The following PLPPR1 variants were observed in gnomAD, a reference collection of about 807,000 sequenced individuals.
The protein encoded by PLPPR1 is phospholipid phosphatase-related protein type 1.
In PLPPR1, 10 loss-of-function variants were observed where a neutral mutation model predicts 33.1. The ratio of observed to expected loss-of-function variants is 0.30; its 90% CI spans 0.19 to 0.51. The LOEUF is 0.51. Ranked by LOEUF, PLPPR1 falls within the 20% of genes least tolerant of loss-of-function variation. PLPPR1 has a pLI of 0.97. For missense variants in PLPPR1, 304 were observed against 408.1 expected (o/e 0.74, Z 2.20); for synonymous variants, 151 against 151.0 (o/e 1.00, Z 0.00).
chr9:101,089,177 T>G (rs1830713516), intron 1 of PLPPR1, among the ~76,000 whole-genome samples: 1 of 152,130 alleles, frequency 6.6e-6, no homozygotes, highest in African/African-American at 2.4e-5. Flanking sequence ...CATTCAATCC[T>G]CACAACAGCC....
intron 2 of PLPPR1, among the ~76,000 whole-genome samples, chr9:101,235,342 C>G (rs117785331): frequency 6.6e-6 from 1 of 151,788 alleles, no homozygotes; most frequent in Non-Finnish European, 1.5e-5. Flanking sequence ...ACTCTCATGA[C>G]GGTTAGATGG....
At chr9:101,097,466 C>A (rs535236672) in intron 1 of PLPPR1, among the ~76,000 whole-genome samples, 2 of 152,266 alleles carry the variant, frequency 1.3e-5, no homozygotes, top group South Asian at 2.1e-4. Flanking sequence ...TATAAGTGAA[C>A]CTGTGTTACA....
intron 6 of PLPPR1, among the ~76,000 whole-genome samples, chr9:101,317,101 C>T (rs1829068602): frequency 6.6e-6 from 1 of 152,158 alleles, no homozygotes; most frequent in African/African-American, 2.4e-5. Context: ...TGTCTTTAAT[C>T]ATTACAAATC....
intron 1 of PLPPR1, among the ~76,000 whole-genome samples, chr9:101,047,183 C>G (rs1437876547): frequency 6.6e-6 from 1 of 152,138 alleles, no homozygotes; most frequent in African/African-American, 2.4e-5. Flanking sequence ...CTTATTTTTA[C>G]TCTGAGATTC....
At chr9:101,290,275 G>A (rs1828472011) in intron 4 of PLPPR1, among the ~76,000 whole-genome samples, 1 of 152,094 alleles carries the variant, frequency 6.6e-6, no homozygotes, top group Non-Finnish European at 1.5e-5. Flanking sequence ...AATTGACATT[G>A]GAAAATGACA....
intron 1 of PLPPR1, among the ~76,000 whole-genome samples, chr9:101,134,647 G>T (rs1331229747): frequency 1.3e-5 from 2 of 152,118 alleles, no homozygotes; most frequent in Non-Finnish European, 2.9e-5. Flanking sequence ...GCCTCCCAGA[G>T]TGCCGGGATT....
intron 1 of PLPPR1, among the ~76,000 whole-genome samples, chr9:101,113,390 G>A (rs1831080825): frequency 6.6e-6 from 1 of 151,976 alleles, no homozygotes; most frequent in Admixed American, 6.6e-5. Context: ...GAAGCAACAA[G>A]AAAGTGATAT....
intron 1 of PLPPR1, among the ~76,000 whole-genome samples, chr9:101,153,899 A>G (rs1831636598): frequency 2.6e-5 from 4 of 152,096 alleles, no homozygotes; most frequent in African/African-American, 9.6e-5. Flanking sequence ...TACCTAATTT[A>G]TTGAGAGTTT....
At chr9:101,086,485 T>C (rs1292472284) in intron 1 of PLPPR1, among the ~76,000 whole-genome samples, 1 of 152,198 alleles carries the variant, frequency 6.6e-6, no homozygotes, top group Non-Finnish European at 1.5e-5. Context: ...GTGTGTCCCA[T>C]AGCCAGGTAG....
At chr9:101,093,340 G>T (rs751932884) in intron 1 of PLPPR1, among the ~76,000 whole-genome samples, 1 of 152,058 alleles carries the variant, frequency 6.6e-6, no homozygotes, top group East Asian at 1.9e-4. Context: ...AAATATGAAC[G>T]ATAAAGTAAT....
At chr9:101,142,737 C>T (rs1831467411) in intron 1 of PLPPR1, among the ~76,000 whole-genome samples, 1 of 152,098 alleles carries the variant, frequency 6.6e-6, no homozygotes, top group South Asian at 2.1e-4. Context: ...CTTCATTTGG[C>T]TGCTGCTGCT....
rs1828388435 is a variant in PLPPR1, at chr9:101,286,104, ATTT to A, written c.256_258del (p.Phe86del). The stretch of plus-strand genomic sequence containing the variant: ...CATTTCTTAAACATTCCTTCCCTAG[ATTT>A]TTATTGGTGAGATATCCATGTATTT... On this transcript the variant is annotated inframe_deletion and splice_region_variant, in exon 4 of 8. Transcript: ENST00000374874. The A allele has an allele frequency of 6.2e-7, 1 of 1,611,750 alleles. No homozygotes were observed.
intron 2 of PLPPR1, among the ~76,000 whole-genome samples, chr9:101,214,129 G>T (rs1385401683): frequency 1.3e-5 from 2 of 152,168 alleles, no homozygotes; most frequent in Non-Finnish European, 2.9e-5. Flanking sequence ...AGGGAGCTTA[G>T]GGATTGCTAT....
In PLPPR1 at chr9:101,192,823, A is replaced by G. The variant is rs552502916; in HGVS notation, c.63+7266A>G. On this transcript the variant is annotated intron_variant, in intron 2 of 7. Coordinates refer to ENST00000374874, the MANE Select transcript of PLPPR1 (RefSeq NM_207299.2). ...ATAAGGCTTCAAACAAAGTAATAAA[A>G]ATTTTTGAGAGTATTTTAAATTGCA... 1.2e-4 allele frequency among the ~76,000 whole-genome samples: 18 copies of G among 152,284 alleles called. 1 individual carries two copies. The South Asian group carries it at 3.7e-3, about 32-fold the overall frequency.
chr9:101,316,413 G>A (rs917490820), intron 6 of PLPPR1, among the ~76,000 whole-genome samples: 16 of 151,680 alleles, frequency 1.1e-4, no homozygotes, highest in African/African-American at 3.9e-4. Flanking sequence ...CTCCAGCCTG[G>A]GTGACAGAGT....
intron 4 of PLPPR1, among the ~76,000 whole-genome samples, chr9:101,291,926 A>G (rs1828517104): frequency 6.6e-6 from 1 of 152,232 alleles, no homozygotes; most frequent in Admixed American, 6.5e-5. Context: ...CAGCAACAGA[A>G]CAAAGCTGGA....
chr9:101,238,218 A>G (rs1827363294), intron 2 of PLPPR1, among the ~76,000 whole-genome samples: 1 of 137,270 alleles, frequency 7.3e-6, no homozygotes. Context: ...ATACCTATAT[A>G]TATACACCTC....
At chr9:101,269,150 A>G (rs1828049473) in intron 2 of PLPPR1, among the ~76,000 whole-genome samples, 2 of 152,108 alleles carry the variant, frequency 1.3e-5, no homozygotes, top group Admixed American at 1.3e-4. Flanking sequence ...AACTTCGGTG[A>G]GTATCTAGGA....
At chr9:101,130,208 T>G (rs1203721235) in intron 1 of PLPPR1, among the ~76,000 whole-genome samples, 1 of 152,170 alleles carries the variant, frequency 6.6e-6, no homozygotes, top group Non-Finnish European at 1.5e-5. Context: ...CAAAAAAAAT[T>G]TGTACAGAAA....
Sources: gnomAD v4.1 joint callset for allele counts (sites outside exome capture counted in the v4.1 genomes callset) on GRCh38, gnomAD v4.1.1 for gene constraint, MANE v1.5 for transcripts, NCBI Gene and HGNC (gene_info 2026-07-23, HGNC 2026-07-21) for gene names.